Variants in ARV1 observed in about 807,000 individuals in gnomAD.
ARV1 encodes the protein protein ARV1.
In ARV1, 26 loss-of-function variants were observed where a neutral mutation model predicts 31.1. That is an observed-to-expected ratio of 0.84 (90% CI 0.61 to 1.16). The LOEUF (loss-of-function observed/expected upper bound fraction) is 1.16, where lower values mean the gene tolerates loss of function less well. Ranked by LOEUF, ARV1 falls within the 50% of genes most tolerant of loss-of-function variation. ARV1 has a pLI of 0.00. For missense variants in ARV1, 281 were observed against 324.9 expected (o/e 0.86, Z 1.04); for synonymous variants, 117 against 123.2 (o/e 0.95, Z 0.34).
intron 2 of ARV1, 21 bp from the exon 3 acceptor site, chr1:230,990,089 G>A (rs777905466): frequency 6.3e-7 from 1 of 1,585,378 alleles, no homozygotes; most frequent in South Asian, 1.2e-5. Context: ...CTAATTGAAT[G>A]GCAATGTCTT....
chr1:230,986,775 G>T (rs1407650299), intron 1 of ARV1, among the ~76,000 whole-genome samples: 1 of 133,036 alleles, frequency 7.5e-6, no homozygotes, highest in Non-Finnish European at 1.5e-5. Flanking sequence ...GGCTTCAAGC[G>T]ATCCTCTCAC....
rs1679489993 is a variant in ARV1 at position 231,000,342 on chromosome 1, C to G, written c.*209C>G. 1 of 152,220 alleles carries G rather than the reference C, an allele frequency of 6.6e-6. No homozygotes were observed. The highest frequency in any genetic ancestry group is 2.1e-4 in the South Asian group (1 of 4,828). The allele number at this position is 152,220 out of a possible 1,614,324, so 9.4% of individuals were successfully genotyped here. A position where few individuals can be genotyped will look rare whatever the true frequency, so the allele number is the denominator to read the frequency against. On this transcript the variant is annotated 3_prime_UTR_variant, in exon 6 of 6. Transcript: ENST00000310256. ...GACAAGCCATTTACATACAGATATT[C>G]ACAGTCACACATAGAAACACCCACA... is the stretch of plus-strand genomic sequence containing the variant.
In ARV1 at chr1:230,980,777, A is replaced by AT. The variant is rs551750642; in HGVS notation, c.174+1498_174+1499insT. Among the ~76,000 whole-genome samples the AT allele has an allele frequency of 9.0e-3, 1,362 of 151,654 alleles. 9 individuals carry two copies. The highest frequency in any genetic ancestry group is 0.014 in the Non-Finnish European group (942 of 67,868). On this transcript the variant is annotated intron_variant, in intron 1 of 5. Transcript: ENST00000310256. ...ACTTCTTCCATCAAAAAAAAAAAAA[A>AT]AACCAACACCACCAACAAAATACAC...
intron 3 of ARV1, among the ~76,000 whole-genome samples, chr1:230,991,964 C>T (rs1379838399): frequency 6.6e-6 from 1 of 152,186 alleles, no homozygotes; most frequent in Non-Finnish European, 1.5e-5. Flanking sequence ...CCCTCCATTC[C>T]CTCCACGGCT....
At chr1:230,990,398 C>T in intron 3 of ARV1, 135 bp downstream of exon 3, 1 of 1,146,636 alleles carries the variant, frequency 8.7e-7, no homozygotes, top group African/African-American at 1.6e-5. Context: ...ATTTTCAGCT[C>T]TACCACTACT....
At chr1:230,994,106 TC>T (rs1679300581) in intron 3 of ARV1, among the ~76,000 whole-genome samples, 1 of 152,224 alleles carries the variant, frequency 6.6e-6, no homozygotes, top group Non-Finnish European at 1.5e-5. Flanking sequence ...CCGACCCCCT[TC>T]AGTGTTTTCC....
chr1:230,995,897 G>C lies in ARV1; in HGVS notation c.586G>C (p.Ala196Pro). ...SSYGKLLLIP[A>P]VIWEHDYTSV... ...CTACGGAAAACTCTTGCTGATTCCAGCTGTCATTTGGGAACATGACTACAC... is the reference window on the plus strand; with the variant it reads ...CTACGGAAAACTCTTGCTGATTCCACCTGTCATTTGGGAACATGACTACAC... Residue 196 changes from alanine to proline, a missense_variant, in exon 4 of 6, where the codon GCT becomes CCT. Coordinates refer to ENST00000310256, the MANE Select transcript of ARV1 (RefSeq NM_022786.3). 1 of 1,614,012 alleles carries C rather than the reference G, an allele frequency of 6.2e-7. No homozygotes were observed. Among genetic ancestry groups the C allele is most frequent in the Non-Finnish European group, 8.5e-7 (1 of 1,179,996 alleles).
intron 3 of ARV1, among the ~76,000 whole-genome samples, chr1:230,993,298 G>T (rs538417924): frequency 1.3e-5 from 2 of 151,992 alleles, no homozygotes; most frequent in African/African-American, 4.8e-5. Context: ...ATCTTACTCT[G>T]TTGTCCAGGT....
In ARV1 at chr1:230,988,537, G is replaced by A. The variant is rs1679143887; in HGVS notation, c.294+98G>A. 7 of 1,104,278 alleles carry A rather than the reference G, an allele frequency of 6.3e-6. No homozygotes were observed. In the South Asian group the frequency reaches 1.3e-4, roughly 21 times the overall value. 68.4% of individuals were successfully genotyped at this position (1,104,278 alleles called of 1,614,324 possible). On this transcript the variant is annotated intron_variant, in intron 2 of 5. Coordinates refer to ENST00000310256, the MANE Select transcript of ARV1 (RefSeq NM_022786.3). ...AACAGAAGTAAAGAATATTATAAAA[G>A]AGGAAAAGAAATTCTAATGTGAGAG...
chr1:230,988,439 T>G lies in ARV1; in HGVS notation c.294T>G (p.Asn98Lys). 6.5e-7 allele frequency: 1 copy of G among 1,529,020 alleles called. No individual in the cohort carries two copies. The highest frequency in any genetic ancestry group is 1.3e-5 in the South Asian group (1 of 75,976). 94.7% of individuals were successfully genotyped at this position (1,529,020 alleles called of 1,614,324 possible). A position where few individuals can be genotyped will look rare whatever the true frequency, so the allele number is the denominator to read the frequency against. Residue 98 changes from asparagine (N) to lysine (K), a missense_variant and splice_region_variant, in exon 2 of 6, where the codon AAT becomes AAG. Asn to Lys is a moderately conservative substitution (Grantham distance 94, BLOSUM62 0). Transcript: ENST00000310256. ...ATATTCTTTTCAATACTCAAATAAA[T>G]GTAAGTTGTGATAATTTCATTTTTT... ...YRHILFNTQINIHGKLCIFCL... is the reference protein window; with the variant it reads ...YRHILFNTQIKIHGKLCIFCL...
In ARV1 at chr1:230,985,481, A is replaced by G. The variant is rs114096473; in HGVS notation, c.175-2839A>G. Among the ~76,000 whole-genome samples, 1,001 of 152,346 alleles carry G rather than the reference A, an allele frequency of 6.6e-3. 9 individuals carry two copies. Among genetic ancestry groups the G allele is most frequent in the African/African-American group, 0.023 (952 of 41,574 alleles). ...TGGTCCATAAAATGGCCAAGAAAAG[A>G]GAACGATTGTTATACATGTAATAGC... On this transcript the variant is annotated intron_variant, in intron 1 of 5. Transcript: ENST00000310256.
chr1:230,980,124 A>G (rs1254623257), intron 1 of ARV1, among the ~76,000 whole-genome samples: 3 of 152,130 alleles, frequency 2.0e-5, no homozygotes, highest in Non-Finnish European at 4.4e-5. Flanking sequence ...CAACCACATA[A>G]CGTTCTGATG....
At chr1:230,992,648 G>T (rs930054157) in intron 3 of ARV1, among the ~76,000 whole-genome samples, 1 of 152,122 alleles carries the variant, frequency 6.6e-6, no homozygotes, top group Non-Finnish European at 1.5e-5. Flanking sequence ...ATGAATGATT[G>T]CATACATTCA....
At chr1:230,989,162 G>A (rs777901186) in intron 2 of ARV1, among the ~76,000 whole-genome samples, 7 of 151,974 alleles carry the variant, frequency 4.6e-5, no homozygotes, top group Admixed American at 1.3e-4. Context: ...TTTTTGAGAC[G>A]GAGTCTTGCT....
intron 5 of ARV1, chr1:230,999,915 C>T (rs1679476064): frequency 1.3e-5 from 2 of 152,140 alleles, no homozygotes; most frequent in South Asian, 2.1e-4. Context: ...AAGCCATTAC[C>T]CTGTTTTTTA....
chr1:230,995,674 T>C (rs1391393806), intron 3 of ARV1, 86 bp from the exon 4 acceptor site: 1 of 965,424 alleles, frequency 1.0e-6, no homozygotes, highest in African/African-American at 1.7e-5. Flanking sequence ...TGATAAGCTG[T>C]ATTTTAGAAT....
rs1191353620 is a variant in ARV1 at position 230,984,363 on chromosome 1, C to CGCGTGCGTGTGTGTGT, written c.175-3956_175-3955insCGTGCGTGTGTGTGTG. Among the ~76,000 whole-genome samples the CGCGTGCGTGTGTGTGT allele has an allele frequency of 1.5e-4, 19 of 129,840 alleles. No homozygotes were observed. The Middle Eastern group carries it at 0.012, about 80-fold the overall frequency. The allele number at this position is 129,840 out of a possible 152,430, so 85.2% of individuals were successfully genotyped here. A position where few individuals can be genotyped will look rare whatever the true frequency, so the allele number is the denominator to read the frequency against. On this transcript the variant is annotated intron_variant, in intron 1 of 5. Transcript: ENST00000310256. ...TGTTTCGTGTGTGTGTGTGTGTGTG[C>CGCGTGCGTGTGTGTGT]GTGTGTGTGTGTGTGTGTGTGTGTG...
chr1:230,994,703 G>A (rs952361048), intron 3 of ARV1, among the ~76,000 whole-genome samples: 2 of 152,004 alleles, frequency 1.3e-5, no homozygotes, highest in Non-Finnish European at 2.9e-5. Context: ...CACCACTCCC[G>A]GCTAATTGTT....
Position 230,997,156 on chromosome 1 carries a change from G to C in ARV1, c.709G>C (p.Ala237Pro). ...LNINRKLSFL[A>P]VLSGLLLESI... ...CATCAACCGTAAGCTCTCCTTCTTG[G>C]CCGTGTTGAGTGGCTTACTGCTGGA... Residue 237 changes from alanine to proline, a missense_variant, in exon 5 of 6, where the codon GCC becomes CCC. Ala to Pro is a conservative substitution (Grantham distance 27, BLOSUM62 -1). Transcript: ENST00000310256. The C allele has an allele frequency of 1.2e-6, 2 of 1,613,958 alleles. No homozygotes were observed. The highest frequency in any genetic ancestry group is 1.7e-6 in the Non-Finnish European group (2 of 1,179,974).
Sources: gnomAD v4.1 joint callset for allele counts (sites outside exome capture counted in the v4.1 genomes callset) on GRCh38, gnomAD v4.1.1 for gene constraint, MANE v1.5 for transcripts, NCBI Gene and HGNC (gene_info 2026-07-23, HGNC 2026-07-21) for gene names.